Variants in KMO observed in about 807,000 individuals in gnomAD.
The protein encoded by KMO is kynurenine 3-monooxygenase, also known as kynurenine 3-hydroxylase.
KMO carries 24 observed loss-of-function variants against 57.8 expected under a neutral mutation model. That is an observed-to-expected ratio of 0.42 (90% confidence interval 0.30 to 0.58). The LOEUF is 0.58. Ranked by LOEUF, KMO falls within the 20% of genes least tolerant of loss-of-function variation. The pLI is 0.22. For synonymous variants in KMO, 210 were observed against 193.6 expected (o/e 1.08, Z -0.70); for missense variants, 483 against 588.2 (o/e 0.82, Z 1.85).
Position 241,592,301 on chromosome 1 carries a change from A to T in KMO, c.*148A>T, listed in dbSNP as rs1246163525. Reference sequence around the variant, plus strand: ...TGAATGTAGAGTATCTCTGTATGTTAATTGCAATTACTGGTTGGGGGGTGC... The same window carrying T: ...TGAATGTAGAGTATCTCTGTATGTTTATTGCAATTACTGGTTGGGGGGTGC... On this transcript the variant is annotated 3_prime_UTR_variant, in exon 15 of 15. Coordinates refer to ENST00000366559, the MANE Select transcript of KMO (RefSeq NM_003679.5). The T allele has an allele frequency of 1.6e-6, 1 of 641,224 alleles. No individual in the cohort carries two copies. The highest frequency in any genetic ancestry group is 1.8e-5 in the African/African-American group (1 of 54,666). 39.7% of individuals were successfully genotyped at this position (641,224 alleles called of 1,614,324 possible). A position where few individuals can be genotyped will look rare whatever the true frequency, so the allele number is the denominator to read the frequency against.
At chr1:241,586,191 CTTTT>C (rs386370217) in intron 10 of KMO, among the ~76,000 whole-genome samples, 14 of 80,066 alleles carry the variant, frequency 1.7e-4, no homozygotes, top group South Asian at 5.5e-4. Context: ...AGTCTATGGT[CTTTT>C]TTTTTTTTTT....
chr1:241,565,899 C>A (rs1407547749), intron 8 of KMO, among the ~76,000 whole-genome samples: 1 of 151,964 alleles, frequency 6.6e-6, no homozygotes, highest in Admixed American at 6.6e-5. Context: ...ATCTAACCAA[C>A]CTATTAGTAA....
chr1:241,543,058 C>G (rs974404550), intron 1 of KMO, among the ~76,000 whole-genome samples: 1 of 152,136 alleles, frequency 6.6e-6, no homozygotes, highest in Non-Finnish European at 1.5e-5. Context: ...AGATCTATTT[C>G]CTTACACAGT....
rs757946943 is a variant in KMO, at chr1:241,591,957, T to C, written c.1265T>C (p.Ile422Thr). The C allele has an allele frequency of 1.2e-6, 2 of 1,613,212 alleles. No individual in the cohort carries two copies. The highest frequency in any genetic ancestry group is 1.7e-6 in the Non-Finnish European group (2 of 1,179,250). Residue 422 changes from isoleucine to threonine, a missense_variant, in exon 15 of 15, where the codon ATA (isoleucine) becomes ACA (threonine). Coordinates refer to ENST00000366559, the MANE Select transcript of KMO (RefSeq NM_003679.5). ...AGAGTTCTTGCTGTCTTACAGGTGA[T>C]AAACAAAGGACTCTTTTTCTTGGGA... is the stretch of plus-strand genomic sequence containing the variant. ...VQRWHWQKKV[I>T]NKGLFFLGSL...
chr1:241,587,972 G>C (rs563771617), intron 11 of KMO, among the ~76,000 whole-genome samples: 16 of 152,210 alleles, frequency 1.1e-4, no homozygotes, highest in African/African-American at 3.6e-4. Flanking sequence ...GCTTTCAAAG[G>C]CCACCTCTGA....
At chr1:241,558,593 T>TG (rs1439881315) in intron 5 of KMO, among the ~76,000 whole-genome samples, 1 of 152,202 alleles carries the variant, frequency 6.6e-6, no homozygotes, top group Non-Finnish European at 1.5e-5. Flanking sequence ...ACAAAGGATG[T>TG]GTGGCCAAAT....
chr1:241,544,004 A>G (rs1384120374), intron 1 of KMO, among the ~76,000 whole-genome samples: 1 of 152,196 alleles, frequency 6.6e-6, no homozygotes, highest in Non-Finnish European at 1.5e-5. Context: ...CCATTGGCCC[A>G]TCATTGGCTT....
intron 8 of KMO, among the ~76,000 whole-genome samples, chr1:241,565,448 C>T (rs1662036816): frequency 1.3e-5 from 2 of 151,744 alleles, no homozygotes; most frequent in South Asian, 4.2e-4. Context: ...GGGATGGGCG[C>T]AGCGGCTCAC....
chr1:241,535,352 GA>G (rs199925918), intron 1 of KMO, among the ~76,000 whole-genome samples: 70 of 148,574 alleles, frequency 4.7e-4, no homozygotes, highest in Admixed American at 1.1e-3. Context: ...CTGGCCCCTA[GA>G]AAAAAAAATG....
intron 2 of KMO, 136 bp from the exon 3 acceptor site, chr1:241,549,541 A>C: frequency 2.3e-6 from 1 of 438,346 alleles, no homozygotes; most frequent in Non-Finnish European, 4.1e-6. Context: ...TACTGCTATT[A>C]GCATTTTCTT....
Position 241,591,981 on chromosome 1 carries a change from G to C in KMO, c.1289G>C (p.Gly430Ala), listed in dbSNP as rs748028574. 6.2e-7 allele frequency: 1 copy of C among 1,613,774 alleles called. No homozygotes were observed. Among genetic ancestry groups the C allele is most frequent in the Admixed American group, 1.7e-5 (1 of 59,986 alleles). ...ATAAACAAAGGACTCTTTTTCTTGG[G>C]ATCACTGATAGCCATCAGCAGTACC... ...KVINKGLFFL[G>A]SLIAISSTYL... is the part of the protein sequence containing the mutation. The change falls in exon 15 of 15, where the codon GGA (glycine) becomes GCA (alanine). Residue 430 changes from glycine (G) to alanine (A), a missense_variant. This residue lies in a region of KMO where 410 missense variants were observed against 492.3 expected (regional missense o/e 0.83). Transcript: ENST00000366559.
At chr1:241,563,087 GT>G (rs1458498719) in intron 7 of KMO, among the ~76,000 whole-genome samples, 1 of 152,164 alleles carries the variant, frequency 6.6e-6, no homozygotes, top group Non-Finnish European at 1.5e-5. Flanking sequence ...ACAATCCAGA[GT>G]TCTTATAACC....
chr1:241,539,437 C>T (rs902854677), intron 1 of KMO, among the ~76,000 whole-genome samples: 7 of 152,052 alleles, frequency 4.6e-5, no homozygotes, highest in African/African-American at 1.7e-4. Context: ...TTGGCCTAAG[C>T]ATGGCATTGC....
At chr1:241,586,915 C>T (rs188261533) in intron 11 of KMO, among the ~76,000 whole-genome samples, 179 bp downstream of exon 11, 1 of 152,250 alleles carries the variant, frequency 6.6e-6, no homozygotes, top group East Asian at 1.9e-4. Flanking sequence ...AACTAACACC[C>T]AGAAAAAGAA....
At chr1:241,548,978 C>T (rs763329008) in intron 2 of KMO, 80 bp downstream of exon 2, 9 of 874,570 alleles carry the variant, frequency 1.0e-5, no homozygotes, top group Non-Finnish European at 1.7e-5. Flanking sequence ...GCACATGGAT[C>T]GCTTGAGGCC....
At chr1:241,539,559 C>A (rs1660881747) in intron 1 of KMO, among the ~76,000 whole-genome samples, 1 of 152,152 alleles carries the variant, frequency 6.6e-6, no homozygotes. Context: ...CCAACAAAAC[C>A]TTCTGAAATG....
rs56207428 is a variant in KMO, at chr1:241,578,825, T to C, written c.958-7854T>C. Among the ~76,000 whole-genome samples the C allele has an allele frequency of 1.4e-3, 218 of 152,216 alleles. 1 individual carries two copies. Among genetic ancestry groups the C allele is most frequent in the African/African-American group, 4.0e-3 (167 of 41,532 alleles). On this transcript the variant is annotated intron_variant, in intron 10 of 14. Coordinates refer to ENST00000366559, the MANE Select transcript of KMO (RefSeq NM_003679.5). ...TATAAAGAAAGAGAGGTTTGATGGATGCACAGTTTCATGTGGCTAGGGAGG... is the reference window on the plus strand; with the variant it reads ...TATAAAGAAAGAGAGGTTTGATGGACGCACAGTTTCATGTGGCTAGGGAGG...
chr1:241,535,429 G>T (rs1660722809), intron 1 of KMO, among the ~76,000 whole-genome samples: 1 of 152,010 alleles, frequency 6.6e-6, no homozygotes, highest in Non-Finnish European at 1.5e-5. Flanking sequence ...CTTATCAGTG[G>T]TAGCTTACCA....
chr1:241,588,957 AAC>A (rs3830979), intron 12 of KMO, 127 bp downstream of exon 12: 234 of 643,900 alleles, frequency 3.6e-4, no homozygotes, highest in East Asian at 4.8e-4. Flanking sequence ...CAGATAAGAA[AAC>A]ACACACACAC....
Sources: allele counts gnomAD v4.1 joint callset (sites outside exome capture counted in the v4.1 genomes callset), GRCh38; gene constraint gnomAD v4.1.1; regional missense constraint gnomAD v4.1.1; transcripts MANE v1.5; gene names NCBI Gene and HGNC (gene_info 2026-07-23, HGNC 2026-07-21).